The following DCC variants were observed in gnomAD, a reference collection of about 807,000 sequenced individuals.
DCC encodes the protein DCC netrin 1 receptor.
In DCC, 58 loss-of-function variants were observed where a neutral mutation model predicts 172.5. The observed-to-expected ratio is 0.34, with a 90% CI of 0.27 to 0.42. The LOEUF (loss-of-function observed/expected upper bound fraction) is 0.42. Among genes scored for constraint, DCC ranks in the 10% least tolerant of loss-of-function variants. DCC has a pLI of 1.00. For missense variants in DCC, 1,740 were observed against 1,791.0 expected (o/e 0.97, Z 0.51); for synonymous variants, 709 against 644.5 (o/e 1.10, Z -1.52).
chr18:53,094,075 T>C (rs969092221), intron 7 of DCC, among the ~76,000 whole-genome samples: 4 of 152,194 alleles, frequency 2.6e-5, no homozygotes, highest in African/African-American at 7.2e-5. Flanking sequence ...ATGATACCAA[T>C]CAGTGACATT....
At chr18:53,180,854 C>A (rs1489053679) in intron 9 of DCC, among the ~76,000 whole-genome samples, 4 of 152,046 alleles carry the variant, frequency 2.6e-5, no homozygotes, top group Non-Finnish European at 4.4e-5. Flanking sequence ...CTCAAGTGAT[C>A]CCCCTGCCTC....
intron 22 of DCC, among the ~76,000 whole-genome samples, chr18:53,438,244 G>C: frequency 6.6e-6 from 1 of 152,128 alleles, no homozygotes; most frequent in East Asian, 1.9e-4. Flanking sequence ...AAATTAAAGA[G>C]GGATTTGGTA....
Position 52,359,149 on chromosome 18 carries a change from A to G in DCC, c.91+18271A>G, listed in dbSNP as rs187369363. Among the ~76,000 whole-genome samples, 150 of 152,284 alleles carry G rather than the reference A, an allele frequency of 9.9e-4. 4 individuals carry two copies. The South Asian group carries it at 0.025, about 25-fold the overall frequency. On this transcript the variant is annotated intron_variant, in intron 1 of 28. Transcript: ENST00000442544. ...AACCCACCAATGGAACTTCTTCCTT[A>G]AGTAGTATTTAAATCTCCCCTACAT...
intron 14 of DCC, among the ~76,000 whole-genome samples, chr18:53,333,988 T>C (rs148673441): frequency 8.1e-4 from 123 of 152,286 alleles, no homozygotes; most frequent in African/African-American, 2.8e-3. Context: ...TTTCAGTTCA[T>C]CAACCAACAG....
intron 5 of DCC, among the ~76,000 whole-genome samples, chr18:53,060,442 C>T (rs2042477361): frequency 6.6e-6 from 1 of 152,030 alleles, no homozygotes. Flanking sequence ...GTTAGAGAAT[C>T]TGAATAGAAA....
intron 12 of DCC, among the ~76,000 whole-genome samples, chr18:53,272,754 G>A (rs1598970463): frequency 1.3e-5 from 2 of 152,032 alleles, no homozygotes; most frequent in East Asian, 3.9e-4. Context: ...ACCTCTCACT[G>A]GATTGAGGTA....
chr18:52,739,722 G>T (rs892276153), intron 1 of DCC, among the ~76,000 whole-genome samples: 4 of 152,202 alleles, frequency 2.6e-5, no homozygotes, highest in Non-Finnish European at 5.9e-5. Flanking sequence ...CCATGTCAGA[G>T]GCCATGTGAA....
chr18:53,390,023 A>G (rs1022909587), intron 16 of DCC, among the ~76,000 whole-genome samples: 2 of 152,204 alleles, frequency 1.3e-5, no homozygotes, highest in Non-Finnish European at 2.9e-5. Flanking sequence ...AACTAGAAAC[A>G]AGTAAAACAA....
At chr18:53,440,229 A>G (rs1230273301) in intron 22 of DCC, among the ~76,000 whole-genome samples, 1 of 152,210 alleles carries the variant, frequency 6.6e-6, no homozygotes, top group Non-Finnish European at 1.5e-5. Context: ...TAGAGAAGAT[A>G]AAATGGCAAT....
chr18:52,968,939 C>T (rs564698333), intron 5 of DCC, among the ~76,000 whole-genome samples: 87 of 152,122 alleles, frequency 5.7e-4, no homozygotes, highest in South Asian at 5.2e-3. Flanking sequence ...CCTAAATTTC[C>T]CCCTTCGGAT....
rs187234206 is a variant in DCC, at chr18:53,070,803, A to G, written c.1261+4637A>G. On this transcript the variant is annotated intron_variant, in intron 7 of 28. Transcript: ENST00000442544. Reference sequence around the variant, plus strand: ...CAGGACACCATTGTGACTGTCTTATATTTCCCCCTTACACATGATGGATTG... The same window carrying G: ...CAGGACACCATTGTGACTGTCTTATGTTTCCCCCTTACACATGATGGATTG... Among the ~76,000 whole-genome samples the G allele has an allele frequency of 1.1e-4, 17 of 152,280 alleles. No homozygotes were observed. In the East Asian group the frequency reaches 3.1e-3, roughly 28 times the overall value.
intron 8 of DCC, among the ~76,000 whole-genome samples, chr18:53,178,161 G>T (rs1476379789): frequency 6.6e-6 from 1 of 152,178 alleles, no homozygotes; most frequent in African/African-American, 2.4e-5. Flanking sequence ...TTCAGAAGGT[G>T]TAGAATTATG....
At chr18:52,555,520 A>T (rs144917135) in intron 1 of DCC, among the ~76,000 whole-genome samples, 18 of 152,256 alleles carry the variant, frequency 1.2e-4, no homozygotes, top group African/African-American at 4.3e-4. Context: ...CTGAAAGAAG[A>T]ATGAACTAGA....
rs912029410 is a variant in DCC, at chr18:53,466,271, T to C, written c.3620-1623T>C. ...TAAATGCTCTGGTCTCCTAGGAAAC[T>C]TTTTTAGTATTTTTACCATTAGGGT... On this transcript the variant is annotated intron_variant, in intron 24 of 28. Coordinates refer to ENST00000442544, the MANE Select transcript of DCC (RefSeq NM_005215.4). Among the ~76,000 whole-genome samples the C allele has an allele frequency of 3.3e-5, 5 of 152,190 alleles. No individual in the cohort carries two copies. In the South Asian group the frequency reaches 8.3e-4, roughly 25 times the overall value.
intron 5 of DCC, among the ~76,000 whole-genome samples, chr18:53,050,616 A>C (rs1015747896): frequency 2.6e-5 from 4 of 152,028 alleles, no homozygotes; most frequent in African/African-American, 9.7e-5. Context: ...ATTTTTGTAC[A>C]TTGATTTTGT....
chr18:53,155,398 C>T (rs1022854835), intron 7 of DCC, among the ~76,000 whole-genome samples: 24 of 152,074 alleles, frequency 1.6e-4, no homozygotes, highest in African/African-American at 4.3e-4. Context: ...GATCACCTGT[C>T]GAGATGAAAC....
At chr18:52,463,869 T>C (rs533795328) in intron 1 of DCC, among the ~76,000 whole-genome samples, 2 of 152,316 alleles carry the variant, frequency 1.3e-5, no homozygotes, top group African/African-American at 4.8e-5. Flanking sequence ...TTTAAGTGTT[T>C]TAATAGCTAT....
At chr18:52,517,946 A>G (rs2031692286) in intron 1 of DCC, among the ~76,000 whole-genome samples, 1 of 152,128 alleles carries the variant, frequency 6.6e-6, no homozygotes, top group Admixed American at 6.5e-5. Flanking sequence ...TTATACCACA[A>G]TTTATTTTAT....
chr18:52,387,243 G>A (rs1179276063), intron 1 of DCC, among the ~76,000 whole-genome samples: 1 of 152,136 alleles, frequency 6.6e-6, no homozygotes, highest in African/African-American at 2.4e-5. Context: ...CCCTCCAGCA[G>A]CCTGTTTTCT....
Sources: allele counts gnomAD v4.1 joint callset (sites outside exome capture counted in the v4.1 genomes callset), GRCh38; gene constraint gnomAD v4.1.1; transcripts MANE v1.5; gene names NCBI Gene and HGNC (gene_info 2026-07-23, HGNC 2026-07-21).